Variants in RABGAP1L observed in about 807,000 individuals in gnomAD.
The protein encoded by RABGAP1L is RAB GTPase activating protein 1 like, also known as rab GTPase-activating protein 1-like.
A neutral mutation model predicts 137.7 loss-of-function variants in RABGAP1L; 63 were observed. The ratio of observed to expected loss-of-function variants is 0.46; its 90% CI spans 0.37 to 0.56. The LOEUF (loss-of-function observed/expected upper bound fraction) is 0.56, where lower values mean the gene tolerates loss of function less well. Ranked by LOEUF, RABGAP1L falls within the 20% of genes least tolerant of loss-of-function variation. RABGAP1L has a pLI of 0.00. For synonymous variants in RABGAP1L, 431 were observed against 433.7 expected (o/e 0.99, Z 0.08); for missense variants, 1,095 against 1,244.0 (o/e 0.88, Z 1.80).
In RABGAP1L at chr1:174,547,866, A is replaced by T. The variant is rs982065589; in HGVS notation, c.1711-89509A>T. On this transcript the variant is annotated intron_variant, in intron 13 of 25. Coordinates refer to ENST00000681986, the MANE Select transcript of RABGAP1L (RefSeq NM_001366446.1). Reference sequence around the variant, plus strand: ...AGATGAAATTTAGTCTTACACCGAGACAGACTATTCACCTAGTTAAATATG... The same window carrying T: ...AGATGAAATTTAGTCTTACACCGAGTCAGACTATTCACCTAGTTAAATATG... 1.9e-6 allele frequency: 3 copies of T among 1,540,872 alleles called. No homozygotes were observed. The East Asian group carries it at 7.3e-5, about 38-fold the overall frequency.
intron 17 of RABGAP1L, among the ~76,000 whole-genome samples, chr1:174,717,767 CATG>C (rs1450672030): frequency 2.0e-5 from 3 of 152,120 alleles, no homozygotes; most frequent in Non-Finnish European, 4.4e-5. Context: ...TGGTGAACCG[CATG>C]ATAACTTTAC....
intron 13 of RABGAP1L, among the ~76,000 whole-genome samples, chr1:174,435,361 A>G (rs1653136488): frequency 6.6e-6 from 1 of 152,076 alleles, no homozygotes; most frequent in Non-Finnish European, 1.5e-5. Context: ...TTCTTCTAGA[A>G]TGTTTTCCTT....
chr1:174,403,247 G>GTGTGTGTGTA (rs1210664506), intron 13 of RABGAP1L, among the ~76,000 whole-genome samples: 4 of 129,356 alleles, frequency 3.1e-5, no homozygotes, highest in African/African-American at 1.2e-4. Flanking sequence ...GTGTGTGTGT[G>GTGTGTGTGTA]TATATATATG....
At chr1:174,913,933 A>G (rs1328602189) in intron 19 of RABGAP1L, among the ~76,000 whole-genome samples, 1 of 152,212 alleles carries the variant, frequency 6.6e-6, no homozygotes, top group Non-Finnish European at 1.5e-5. Flanking sequence ...TAGACTTTAG[A>G]TACATACTAT....
At chr1:174,543,691 G>A (rs541081265) in intron 13 of RABGAP1L, among the ~76,000 whole-genome samples, 2 of 152,264 alleles carry the variant, frequency 1.3e-5, no homozygotes, top group South Asian at 2.1e-4. Flanking sequence ...TCCTAGCCTC[G>A]ATGGTCTTTA....
chr1:174,892,046 T>TGTGGG (rs2149122448), intron 19 of RABGAP1L, among the ~76,000 whole-genome samples: 1 of 152,336 alleles, frequency 6.6e-6, no homozygotes, highest in South Asian at 2.1e-4. Flanking sequence ...TGGGCCACAG[T>TGTGGG]CCGGGTGGGC....
intron 15 of RABGAP1L, among the ~76,000 whole-genome samples, chr1:174,686,906 A>G (rs1212431652): frequency 6.6e-6 from 1 of 151,198 alleles, no homozygotes; most frequent in African/African-American, 2.4e-5. Flanking sequence ...TGATCCTCCC[A>G]CCTTAGCCTC....
intron 14 of RABGAP1L, among the ~76,000 whole-genome samples, chr1:174,638,003 C>G (rs1370833802): frequency 6.6e-6 from 1 of 152,040 alleles, no homozygotes; most frequent in Admixed American, 6.6e-5. Context: ...TGGAAAAAAC[C>G]TGTTTCCTGA....
chr1:174,395,024 G>T (rs1647652668), intron 13 of RABGAP1L, among the ~76,000 whole-genome samples: 1 of 150,750 alleles, frequency 6.6e-6, no homozygotes, highest in Non-Finnish European at 1.5e-5. Flanking sequence ...TGATCCATTG[G>T]TGTGTGGGAA....
chr1:174,185,828 T>C (rs1666752738), intron 1 of RABGAP1L, among the ~76,000 whole-genome samples: 1 of 152,208 alleles, frequency 6.6e-6, no homozygotes, highest in Non-Finnish European at 1.5e-5. Context: ...GATCACTGGA[T>C]TATTGTGTAC....
At chr1:174,449,492 G>A (rs1044450066) in intron 13 of RABGAP1L, among the ~76,000 whole-genome samples, 2 of 152,188 alleles carry the variant, frequency 1.3e-5, no homozygotes, top group African/African-American at 4.8e-5. Context: ...CAGGACATGA[G>A]CAAGCCCCTT....
At chr1:174,685,240 TGAG>T (rs1203458106) in intron 15 of RABGAP1L, among the ~76,000 whole-genome samples, 4 of 152,096 alleles carry the variant, frequency 2.6e-5, no homozygotes, top group African/African-American at 9.7e-5. Context: ...TTGATGATGA[TGAG>T]TTCTTTCTTT....
At position 174,783,689 on chromosome 1, in the gene RABGAP1L, T is replaced by C. The variant is rs1176155496; in HGVS notation, c.2212-28143T>C. Among the ~76,000 whole-genome samples the C allele has an allele frequency of 3.3e-5, 5 of 150,760 alleles. No homozygotes were observed. The East Asian group carries it at 9.8e-4, about 29-fold the overall frequency. ...ACTGAACATCTTTGCATCTTTGATATGTTTTCTTCTTCTTCTTCTTTTTTT... is the reference window on the plus strand; with the variant it reads ...ACTGAACATCTTTGCATCTTTGATACGTTTTCTTCTTCTTCTTCTTTTTTT... On this transcript the variant is annotated intron_variant, in intron 18 of 25. Transcript: ENST00000681986.
intron 18 of RABGAP1L, among the ~76,000 whole-genome samples, chr1:174,775,932 CAT>C (rs1686492875): frequency 6.6e-6 from 1 of 152,190 alleles, no homozygotes. Flanking sequence ...GAATGGGAAA[CAT>C]GTCACAGTCA....
At chr1:174,723,234 C>T (rs920310255) in intron 17 of RABGAP1L, among the ~76,000 whole-genome samples, 1 of 152,134 alleles carries the variant, frequency 6.6e-6, no homozygotes, top group Non-Finnish European at 1.5e-5. Context: ...ACCACCACGC[C>T]TGGCTCATTT....
At chr1:174,774,787 G>A (rs1203290875) in intron 18 of RABGAP1L, among the ~76,000 whole-genome samples, 1 of 152,128 alleles carries the variant, frequency 6.6e-6, no homozygotes, top group East Asian at 1.9e-4. Context: ...GGCTGAGATG[G>A]GAGGATCACT....
chr1:174,585,254 G>A (rs1184691350), intron 13 of RABGAP1L, among the ~76,000 whole-genome samples: 1 of 151,930 alleles, frequency 6.6e-6, no homozygotes, highest in Non-Finnish European at 1.5e-5. Context: ...ATTGATTCTA[G>A]GGCAATACTG....
At chr1:174,290,448 A>G (rs553845527) in intron 10 of RABGAP1L, among the ~76,000 whole-genome samples, 1 of 152,320 alleles carries the variant, frequency 6.6e-6, no homozygotes, top group East Asian at 1.9e-4. Context: ...ACATCATCAA[A>G]TTGAAATTGC....
chr1:174,694,052 A>G (rs1309649674), intron 15 of RABGAP1L, among the ~76,000 whole-genome samples: 3 of 152,320 alleles, frequency 2.0e-5, no homozygotes, highest in African/African-American at 4.8e-5. Context: ...GACGATTTAC[A>G]TAGCATTTAC....
Sources: allele counts gnomAD v4.1 joint callset (sites outside exome capture counted in the v4.1 genomes callset), GRCh38; gene constraint gnomAD v4.1.1; transcripts MANE v1.5; gene names NCBI Gene and HGNC (gene_info 2026-07-23, HGNC 2026-07-21).